Variants in KIF13B observed in about 807,000 individuals in gnomAD.
KIF13B encodes the protein kinesin-like protein KIF13B.
Under a neutral mutation model 222.0 loss-of-function variants are expected in KIF13B, and 127 were observed. That is an observed-to-expected ratio of 0.57 (90% CI 0.50 to 0.66). The LOEUF (loss-of-function observed/expected upper bound fraction) is 0.66, where lower values mean the gene tolerates loss of function less well. Ranked by LOEUF, KIF13B falls within the 30% of genes least tolerant of loss-of-function variation. The pLI is 0.00. For missense variants in KIF13B, 2,173 were observed against 2,379.0 expected, an observed-to-expected ratio of 0.91 and a Z score of 1.80; for synonymous variants, 976 against 919.0, an observed-to-expected ratio of 1.06 and a Z score of -1.12.
At position 29,193,436 on chromosome 8, in the gene KIF13B, T is replaced by C. The variant is rs559448501; in HGVS notation, c.163-2379A>G. Among the ~76,000 whole-genome samples, 3 of 152,104 alleles carry C rather than the reference T, an allele frequency of 2.0e-5. No individual in the cohort carries two copies. In the South Asian group the frequency reaches 6.2e-4, roughly 32 times the overall value. On this transcript the variant is annotated intron_variant, in intron 3 of 39. Coordinates refer to ENST00000524189, the MANE Select transcript of KIF13B (RefSeq NM_015254.4). Reference sequence around the variant, plus strand: ...CATAGTGAGAATCATTACAGCAGAGTAGGAGTAAATAAAATGTGGAGCTCA... The same window carrying C: ...CATAGTGAGAATCATTACAGCAGAGCAGGAGTAAATAAAATGTGGAGCTCA...
intron 2 of KIF13B, among the ~76,000 whole-genome samples, chr8:29,206,087 C>T (rs1275330589): frequency 6.6e-6 from 1 of 151,634 alleles, no homozygotes; most frequent in Non-Finnish European, 1.5e-5. Flanking sequence ...CAAGACCCCA[C>T]CTTTTAAAAA....
intron 1 of KIF13B, among the ~76,000 whole-genome samples, chr8:29,247,667 G>T (rs555758449): frequency 6.6e-6 from 1 of 151,014 alleles, no homozygotes; most frequent in African/African-American, 2.4e-5. Flanking sequence ...TCTCTACAAA[G>T]AAAAAAAGTT....
intron 1 of KIF13B, among the ~76,000 whole-genome samples, chr8:29,253,812 A>T (rs1015203934): frequency 2.8e-5 from 4 of 142,316 alleles, no homozygotes; most frequent in Non-Finnish European, 6.1e-5. Flanking sequence ...CCTGGGTGAG[A>T]AGAGTGAGAC....
chr8:29,185,397 C>T lies in KIF13B; in HGVS notation c.497+895G>A, dbSNP rs369699560. ...GCGTTGTATTTTAATTATTTGTTTA[C>T]AAAACTCTCATTCTGTCCACACTGT... is the stretch of plus-strand genomic sequence containing the variant. On this transcript the variant is annotated intron_variant, in intron 6 of 39. Transcript: ENST00000524189. Among the ~76,000 whole-genome samples, 376 of 152,324 alleles carry T rather than the reference C, an allele frequency of 2.5e-3. 5 individuals carry two copies. Among genetic ancestry groups the T allele is most frequent in the African/African-American group, 8.6e-3 (356 of 41,566 alleles).
In KIF13B at chr8:29,147,565, CTGT is replaced by C. The variant is rs1417877293; in HGVS notation, c.1848_1850del (p.Gln617del). ...GTGCAGATCGTTTTTCTTCTTCATG[CTGT>C]TGTTCTAAGCTGTTTAATATGGACT... On this transcript the variant is annotated inframe_deletion, in exon 17 of 40. Transcript: ENST00000524189. The C allele has an allele frequency of 1.2e-6, 2 of 1,613,300 alleles. No homozygotes were observed. Among genetic ancestry groups the C allele is most frequent in the Non-Finnish European group, 1.7e-6 (2 of 1,179,812 alleles).
At chr8:29,115,774 C>T (rs1314775574) in intron 31 of KIF13B, among the ~76,000 whole-genome samples, 3 of 152,198 alleles carry the variant, frequency 2.0e-5, no homozygotes, top group African/African-American at 4.8e-5. Flanking sequence ...GATCCTGCCC[C>T]GTCCTGCCCT....
chr8:29,075,737 G>A (rs1807528496), intron 37 of KIF13B, among the ~76,000 whole-genome samples: 1 of 152,204 alleles, frequency 6.6e-6, no homozygotes, highest in Non-Finnish European at 1.5e-5. Context: ...AGGAAGGAGT[G>A]TAGTCACAGG....
Position 29,127,187 on chromosome 8 carries a change from A to T in KIF13B, c.3157T>A (p.Ser1053Thr). The T allele has an allele frequency of 6.2e-7, 1 of 1,613,948 alleles. No homozygotes were observed. ...TLPLMEECIL[S>T]VGIGCVKVRP... ...ACTTTGACACATCCAATGCCAACAG[A>T]CAGTATACATTCTTCCATCAGTGGT... Residue 1053 changes from serine (S) to threonine (T), a missense_variant, in exon 25 of 40, where the codon TCT becomes ACT. Coordinates refer to ENST00000524189, the MANE Select transcript of KIF13B (RefSeq NM_015254.4).
rs56786847 is a variant in KIF13B at position 29,186,551 on chromosome 8, AAC to A, written c.317-81_317-80del. 125 of 1,223,502 alleles carry A rather than the reference AAC, an allele frequency of 1.0e-4. No individual in the cohort carries two copies. In the East Asian group the frequency reaches 2.1e-3, roughly 21 times the overall value. 75.8% of individuals were successfully genotyped at this position (1,223,502 alleles called of 1,614,324 possible). On this transcript the variant is annotated intron_variant, in intron 5 of 39. Coordinates refer to ENST00000524189, the MANE Select transcript of KIF13B (RefSeq NM_015254.4). The stretch of plus-strand genomic sequence containing the variant: ...AACCCTCTTTCCGTTGCTCATAATA[AAC>A]ACTTGGCAAAACGCCAAAATGCAGT...
chr8:29,224,587 G>A (rs1814931548), intron 2 of KIF13B, among the ~76,000 whole-genome samples: 1 of 152,072 alleles, frequency 6.6e-6, no homozygotes, highest in Non-Finnish European at 1.5e-5. Context: ...GTTAATAATT[G>A]AAGGAATCGC....
intron 2 of KIF13B, among the ~76,000 whole-genome samples, chr8:29,219,920 C>T (rs545465486): frequency 3.9e-5 from 6 of 151,914 alleles, no homozygotes; most frequent in Non-Finnish European, 7.4e-5. Context: ...AAACATTAGC[C>T]GGGTGTGGTG....
chr8:29,229,748 C>A (rs914415634), intron 2 of KIF13B, among the ~76,000 whole-genome samples: 4 of 152,126 alleles, frequency 2.6e-5, no homozygotes, highest in African/African-American at 9.7e-5. Flanking sequence ...ACCCACAATC[C>A]CTTAAATAAA....
Position 29,147,472 on chromosome 8 carries a change from C to G in KIF13B, c.1944G>C (p.Lys648Asn). The G allele has an allele frequency of 6.2e-7, 1 of 1,613,302 alleles. No homozygotes were observed. The highest frequency in any genetic ancestry group is 1.7e-5 in the Admixed American group (1 of 59,954). Reference protein sequence around the residue: ...EQLRRRLSPEKQNCRSMDRFS... With the variant: ...EQLRRRLSPENQNCRSMDRFS... Reference sequence around the variant, plus strand: ...ACCTGTCCATGCTCCGGCAGTTCTGCTTCTCAGGAGACAGCCTTCTCCGGA... The same window carrying G: ...ACCTGTCCATGCTCCGGCAGTTCTGGTTCTCAGGAGACAGCCTTCTCCGGA... The change falls in exon 17 of 40, where the codon AAG becomes AAC. Residue 648 changes from lysine to asparagine, a missense_variant. Lys to Asn is a moderately conservative substitution (Grantham distance 94). This residue lies in a region of KIF13B where 1,480 missense variants were observed against 1,722.8 expected (regional missense o/e 0.86). Transcript: ENST00000524189.
chr8:29,144,439 A>G (rs60179439), intron 18 of KIF13B, among the ~76,000 whole-genome samples: 27,770 of 151,722 alleles, frequency 0.18, 2,709 homozygotes, highest in Admixed American at 0.29. Flanking sequence ...TGTATTTTTA[A>G]TAGAGATGGG....
At position 29,223,485 on chromosome 8, in the gene KIF13B, C is replaced by T. The variant is rs147294881; in HGVS notation, c.149+21861G>A. On this transcript the variant is annotated intron_variant, in intron 2 of 39. Transcript: ENST00000524189. The stretch of plus-strand genomic sequence containing the variant: ...TAAGATTACTAAAAGTAACCAAGGG[C>T]GAATTTGAATTATGTATATCTAACA... Among the ~76,000 whole-genome samples the T allele has an allele frequency of 3.0e-3, 458 of 152,012 alleles. 1 individual carries two copies. Among genetic ancestry groups the T allele is most frequent in the African/African-American group, 0.01 (420 of 41,450 alleles).
intron 2 of KIF13B, among the ~76,000 whole-genome samples, chr8:29,206,733 G>A (rs1813960622): frequency 6.6e-6 from 1 of 152,136 alleles, no homozygotes; most frequent in African/African-American, 2.4e-5. Flanking sequence ...ACCTTGCCCT[G>A]CAAGAGCTTA....
intron 32 of KIF13B, among the ~76,000 whole-genome samples, chr8:29,112,050 A>G (rs899021839): frequency 1.3e-5 from 2 of 152,258 alleles, no homozygotes; most frequent in African/African-American, 4.8e-5. Context: ...TCAAAGATCC[A>G]GGAAAGAACT....
At chr8:29,102,355 T>C (rs1040441516) in intron 35 of KIF13B, among the ~76,000 whole-genome samples, 1 of 152,388 alleles carries the variant, frequency 6.6e-6, no homozygotes, top group Non-Finnish European at 1.5e-5. Flanking sequence ...TCAGCCATGA[T>C]ACAGTTACAC....
At chr8:29,072,965 G>A (rs939620741) in intron 38 of KIF13B, among the ~76,000 whole-genome samples, 2 of 151,886 alleles carry the variant, frequency 1.3e-5, no homozygotes, top group African/African-American at 2.4e-5. Flanking sequence ...TGATCTCATC[G>A]GAGGACCGGA....
Sources: gnomAD v4.1 joint callset for allele counts (sites outside exome capture counted in the v4.1 genomes callset) on GRCh38, gnomAD v4.1.1 for gene constraint, gnomAD v4.1.1 regional missense constraint, MANE v1.5 for transcripts, NCBI Gene and HGNC (gene_info 2026-07-23, HGNC 2026-07-21) for gene names.